Variants in MACROD2 observed in about 807,000 individuals in gnomAD.
MACROD2 encodes the protein ADP-ribose glycohydrolase MACROD2.
In MACROD2, 36 loss-of-function variants were observed where a neutral mutation model predicts 70.4. The ratio of observed to expected loss-of-function variants is 0.51; its 90% CI spans 0.39 to 0.68. The LOEUF (loss-of-function observed/expected upper bound fraction) is 0.68, where lower values mean the gene tolerates loss of function less well. Among genes scored for constraint, MACROD2 ranks in the 30% least tolerant of loss-of-function variants. The pLI, the probability that MACROD2 is intolerant of heterozygous loss-of-function variation, is 0.00. For missense variants in MACROD2, 496 were observed against 538.4 expected (o/e 0.92, Z 0.78); for synonymous variants, 172 against 178.8 (o/e 0.96, Z 0.30).
At chr20:14,843,224 C>T (rs2073105572) in intron 5 of MACROD2, among the ~76,000 whole-genome samples, 1 of 134,356 alleles carries the variant, frequency 7.4e-6, no homozygotes, top group Non-Finnish European at 1.5e-5. Flanking sequence ...TGTGTTATGA[C>T]TGGGGCTAGG....
chr20:15,865,857 C>T (rs1289322558), intron 9 of MACROD2, among the ~76,000 whole-genome samples: 3 of 152,166 alleles, frequency 2.0e-5, no homozygotes, highest in African/African-American at 4.8e-5. Context: ...GTTCTGTATG[C>T]ACCACCCCTT....
chr20:14,583,800 C>G (rs778435730), intron 4 of MACROD2, among the ~76,000 whole-genome samples: 6 of 152,088 alleles, frequency 3.9e-5, no homozygotes, highest in Non-Finnish European at 5.9e-5. Flanking sequence ...AAATAGAAAC[C>G]TAATTCTAAC....
chr20:14,432,984 A>AATG lies in MACROD2; in HGVS notation c.272-60494_272-60492dup, dbSNP rs1201082784. Among the ~76,000 whole-genome samples, 32 of 152,274 alleles carry AATG rather than the reference A, an allele frequency of 2.1e-4. 1 individual carries two copies. The highest frequency in any genetic ancestry group is 6.5e-4 in the African/African-American group (27 of 41,570). ...AGTCATAGAAAATAATAATAATAAT[A>AATG]ATGGCAACCAGTGTTTATAGAACTG... On this transcript the variant is annotated intron_variant, in intron 3 of 17. Transcript: ENST00000684519.
At chr20:14,535,610 G>C (rs1372843552) in intron 4 of MACROD2, among the ~76,000 whole-genome samples, 1 of 151,326 alleles carries the variant, frequency 6.6e-6, no homozygotes, top group Non-Finnish European at 1.5e-5. Flanking sequence ...AGCTGTGGTT[G>C]ATTAACTGTT....
chr20:14,985,685 C>CT (rs57486090), intron 5 of MACROD2, among the ~76,000 whole-genome samples: 16,555 of 115,320 alleles, frequency 0.14, 1,322 homozygotes, highest in African/African-American at 0.25. Flanking sequence ...TTCTCTTATT[C>CT]TTTTTTTTTT....
chr20:14,518,846 T>C (rs2085132711), intron 4 of MACROD2, among the ~76,000 whole-genome samples: 1 of 152,140 alleles, frequency 6.6e-6, no homozygotes, highest in African/African-American at 2.4e-5. Context: ...AGCACAGATA[T>C]GAGTGAGGTC....
rs1780197756 is a variant in MACROD2, at chr20:14,288,232, A to G, written c.271+202504A>G. Among the ~76,000 whole-genome samples, 3 of 152,082 alleles carry G rather than the reference A, an allele frequency of 2.0e-5. No individual in the cohort carries two copies. The South Asian group carries it at 6.3e-4, about 32-fold the overall frequency. ...GAACTACTAATTCATTATTAGTTAA[A>G]TATATGGTCACCTGGAATACAGAGT... On this transcript the variant is annotated intron_variant, in intron 3 of 17. Coordinates refer to ENST00000684519, the MANE Select transcript of MACROD2 (RefSeq NM_001351661.2).
At chr20:15,777,058 C>T (rs1433154269) in intron 8 of MACROD2, among the ~76,000 whole-genome samples, 1 of 152,146 alleles carries the variant, frequency 6.6e-6, no homozygotes, top group African/African-American at 2.4e-5. Flanking sequence ...ATGCTAGATT[C>T]TATAAAAACA....
chr20:14,765,346 C>T (rs550549738), intron 5 of MACROD2, among the ~76,000 whole-genome samples: 2 of 150,990 alleles, frequency 1.3e-5, no homozygotes, highest in Admixed American at 6.6e-5. Flanking sequence ...TCCCTGGACT[C>T]GCCTCAGCTT....
chr20:14,623,474 C>T (rs896379886), intron 4 of MACROD2, among the ~76,000 whole-genome samples: 6 of 152,012 alleles, frequency 3.9e-5, no homozygotes, highest in South Asian at 2.1e-4. Flanking sequence ...TAACATATTG[C>T]TAAAATGATT....
chr20:14,613,525 A>G (rs1159748679), intron 4 of MACROD2, among the ~76,000 whole-genome samples: 3 of 152,064 alleles, frequency 2.0e-5, no homozygotes, highest in Non-Finnish European at 4.4e-5. Flanking sequence ...CCAATTATTT[A>G]CTTGACATCT....
chr20:14,642,732 T>G (rs1425586179), intron 4 of MACROD2, among the ~76,000 whole-genome samples: 1 of 152,112 alleles, frequency 6.6e-6, no homozygotes. Context: ...TTTATGGGCT[T>G]TATTGGTGGT....
intron 8 of MACROD2, among the ~76,000 whole-genome samples, chr20:15,594,337 G>A (rs1244165398): frequency 1.3e-5 from 2 of 152,036 alleles, no homozygotes; most frequent in Non-Finnish European, 2.9e-5. Flanking sequence ...ATTCCATGGT[G>A]TGGAATCTGA....
intron 8 of MACROD2, among the ~76,000 whole-genome samples, chr20:15,598,283 C>T (rs1304888099): frequency 6.6e-6 from 1 of 152,116 alleles, no homozygotes; most frequent in Non-Finnish European, 1.5e-5. Flanking sequence ...ATCTTTAAGA[C>T]ACTTCATTTC....
At chr20:14,949,674 G>A (rs561854051) in intron 5 of MACROD2, among the ~76,000 whole-genome samples, 5 of 152,226 alleles carry the variant, frequency 3.3e-5, no homozygotes, top group African/African-American at 7.2e-5. Context: ...GCTCATTGAC[G>A]CATTCATGGT....
intron 5 of MACROD2, among the ~76,000 whole-genome samples, chr20:14,911,998 G>C (rs989379178): frequency 6.6e-6 from 1 of 152,166 alleles, no homozygotes; most frequent in Non-Finnish European, 1.5e-5. Context: ...CACTTAGCAT[G>C]AAACGGGAGA....
Position 15,976,123 on chromosome 20 carries a change from G to A in MACROD2, c.985+8493G>A, listed in dbSNP as rs552022115. On this transcript the variant is annotated intron_variant, in intron 13 of 17. Coordinates refer to ENST00000684519, the MANE Select transcript of MACROD2 (RefSeq NM_001351661.2). ...CAAGCAATAAAATTATATTGTTGTT[G>A]CTATTGTTCAGAAACAGTCCATTTA... 1.8e-4 allele frequency among the ~76,000 whole-genome samples: 27 copies of A among 152,302 alleles called. No homozygotes were observed. The South Asian group carries it at 5.6e-3, about 32-fold the overall frequency.
chr20:14,024,292 G>T (rs2053126718), intron 2 of MACROD2, among the ~76,000 whole-genome samples: 1 of 152,224 alleles, frequency 6.6e-6, no homozygotes, highest in East Asian at 1.9e-4. Flanking sequence ...TTTGGGGGCT[G>T]AGATGATGGG....
intron 5 of MACROD2, among the ~76,000 whole-genome samples, chr20:15,109,317 G>T (rs910436571): frequency 6.6e-6 from 1 of 152,108 alleles, no homozygotes; most frequent in Non-Finnish European, 1.5e-5. Context: ...ATGAAATGTC[G>T]CTTTAACAAC....
Sources: gnomAD v4.1 joint callset for allele counts (sites outside exome capture counted in the v4.1 genomes callset) on GRCh38, gnomAD v4.1.1 for gene constraint, MANE v1.5 for transcripts, NCBI Gene and HGNC (gene_info 2026-07-23, HGNC 2026-07-21) for gene names.